CAMK2D: variants seen among roughly 807,000 people sequenced by gnomAD.
CAMK2D encodes the protein calcium/calmodulin dependent protein kinase II delta, also known as calcium/calmodulin-dependent protein kinase type II subunit delta.
In CAMK2D, 37 loss-of-function variants were observed where a neutral mutation model predicts 84.0. That is an observed-to-expected ratio of 0.44 (90% CI 0.34 to 0.58). The LOEUF (loss-of-function observed/expected upper bound fraction) is 0.58, where lower values mean the gene tolerates loss of function less well. Among genes scored for constraint, CAMK2D ranks in the 20% least tolerant of loss-of-function variants. The probability of loss-of-function intolerance (pLI) is 0.02; values close to 1 mark genes in which losing one functional copy is unlikely to be tolerated. For missense variants in CAMK2D, 448 were observed against 652.5 expected (o/e 0.69, Z 3.41); for synonymous variants, 202 against 212.5 (o/e 0.95, Z 0.43).
chr4:113,623,462 A>G (rs1384142714), intron 3 of CAMK2D, among the ~76,000 whole-genome samples: 1 of 152,064 alleles, frequency 6.6e-6, no homozygotes, highest in Non-Finnish European at 1.5e-5. Flanking sequence ...ACATGCTGAG[A>G]AGTGTTGTTA....
At position 113,533,274 on chromosome 4, in the gene CAMK2D, T is replaced by C. The variant is rs188686295; in HGVS notation, c.518-1975A>G. Among the ~76,000 whole-genome samples the C allele has an allele frequency of 1.7e-3, 252 of 152,212 alleles. 2 individuals carry two copies. Among genetic ancestry groups the C allele is most frequent in the African/African-American group, 5.8e-3 (241 of 41,534 alleles). Reference sequence around the variant, plus strand: ...CAATGGGGTCCTTACCCCAAGAATATTGAAGCATATATCTAAATGCATGGA... The same window carrying C: ...CAATGGGGTCCTTACCCCAAGAATACTGAAGCATATATCTAAATGCATGGA... On this transcript the variant is annotated intron_variant, in intron 7 of 20. Transcript: ENST00000511664.
At chr4:113,747,777 G>A (rs2099607947) in intron 2 of CAMK2D, among the ~76,000 whole-genome samples, 1 of 152,016 alleles carries the variant, frequency 6.6e-6, no homozygotes, top group East Asian at 1.9e-4. Flanking sequence ...GTAACTCAGT[G>A]TTGTAAAATT....
At chr4:113,520,936 G>A (rs955535269) in intron 8 of CAMK2D, among the ~76,000 whole-genome samples, 1 of 152,088 alleles carries the variant, frequency 6.6e-6, no homozygotes, top group African/African-American at 2.4e-5. Flanking sequence ...GGCTGAGGTG[G>A]GAAGATCACT....
At chr4:113,563,269 AC>A (rs1164261172) in intron 4 of CAMK2D, among the ~76,000 whole-genome samples, 1 of 152,158 alleles carries the variant, frequency 6.6e-6, no homozygotes, top group Non-Finnish European at 1.5e-5. Flanking sequence ...AAACAAAAAA[AC>A]AAAATAAAAT....
chr4:113,511,173 C>G (rs2098208280), intron 12 of CAMK2D, among the ~76,000 whole-genome samples: 1 of 152,046 alleles, frequency 6.6e-6, no homozygotes, highest in Non-Finnish European at 1.5e-5. Context: ...TAACCATATA[C>G]TTATGGATAA....
chr4:113,460,278 G>A (rs966459901), intron 17 of CAMK2D, 37 bp from the exon 18 acceptor site: 3 of 1,096,120 alleles, frequency 2.7e-6, no homozygotes, highest in Non-Finnish European at 4.2e-6. Context: ...CCAATTAATA[G>A]GTGCTTTAAT....
chr4:113,470,372 G>A (rs186260049), intron 16 of CAMK2D, among the ~76,000 whole-genome samples: 233 of 152,176 alleles, frequency 1.5e-3, no homozygotes, highest in African/African-American at 5.2e-3. Context: ...TGGGCCAGGC[G>A]CGGTGGCTCA....
At chr4:113,752,098 T>A (rs1254779178) in intron 2 of CAMK2D, among the ~76,000 whole-genome samples, 1 of 151,848 alleles carries the variant, frequency 6.6e-6, no homozygotes, top group African/African-American at 2.4e-5. Flanking sequence ...TTAGGGATGG[T>A]GATTAGCTCT....
chr4:113,626,782 A>T lies in CAMK2D; in HGVS notation c.221-17576T>A, dbSNP rs567339459. ...AACTGGAACAATCCACCAGCATCTA[A>T]CTTTAAACAACATTTCTCGTAATGA... On this transcript the variant is annotated intron_variant, in intron 3 of 20. Transcript: ENST00000511664. Among the ~76,000 whole-genome samples, 111 of 152,282 alleles carry T rather than the reference A, an allele frequency of 7.3e-4. 2 individuals carry two copies. The South Asian group carries it at 0.021, about 29-fold the overall frequency.
intron 4 of CAMK2D, among the ~76,000 whole-genome samples, chr4:113,564,697 C>A (rs2098714174): frequency 6.6e-6 from 1 of 152,140 alleles, no homozygotes; most frequent in Non-Finnish European, 1.5e-5. Flanking sequence ...AGGGAAGATG[C>A]AATATGAAAT....
intron 3 of CAMK2D, among the ~76,000 whole-genome samples, chr4:113,628,187 C>A (rs896952411): frequency 1.3e-5 from 2 of 152,118 alleles, no homozygotes; most frequent in African/African-American, 4.8e-5. Flanking sequence ...GTAGATACGA[C>A]CTTTCTAAAT....
At chr4:113,478,840 T>C (rs917095461) in intron 16 of CAMK2D, among the ~76,000 whole-genome samples, 3 of 152,170 alleles carry the variant, frequency 2.0e-5, no homozygotes, top group East Asian at 1.9e-4. Flanking sequence ...CTAATTCAAA[T>C]TGTACAATTG....
intron 20 of CAMK2D, among the ~76,000 whole-genome samples, chr4:113,455,272 T>C (rs1350650633): frequency 6.6e-6 from 1 of 152,202 alleles, no homozygotes; most frequent in Non-Finnish European, 1.5e-5. Context: ...CATGGTCAAG[T>C]ACCATTATAC....
intron 2 of CAMK2D, among the ~76,000 whole-genome samples, chr4:113,728,415 A>T (rs1204894450): frequency 6.6e-6 from 1 of 152,152 alleles, no homozygotes; most frequent in African/African-American, 2.4e-5. Context: ...CAAAACTAAC[A>T]TATGGTGATC....
At chr4:113,726,385 T>G (rs1467839818) in intron 2 of CAMK2D, among the ~76,000 whole-genome samples, 1 of 143,150 alleles carries the variant, frequency 7.0e-6, no homozygotes, top group Non-Finnish European at 1.5e-5. Flanking sequence ...TTTTTTTTTT[T>G]TTTTTTTTTT....
chr4:113,753,669 CTG>C (rs2099622160), intron 2 of CAMK2D: 1 of 406,184 alleles, frequency 2.5e-6, no homozygotes, highest in Non-Finnish European at 3.3e-6. Flanking sequence ...CTAAAAATAA[CTG>C]TATACTGATA....
chr4:113,600,059 T>G (rs1269602529), intron 4 of CAMK2D, among the ~76,000 whole-genome samples: 1 of 152,164 alleles, frequency 6.6e-6, no homozygotes, highest in Non-Finnish European at 1.5e-5. Flanking sequence ...ACTGTATGAT[T>G]CTAACTATAT....
intron 3 of CAMK2D, among the ~76,000 whole-genome samples, chr4:113,641,639 T>G (rs1488501226): frequency 6.6e-6 from 1 of 152,222 alleles, no homozygotes; most frequent in East Asian, 1.9e-4. Context: ...TCTAAAACAT[T>G]ATCACTAGCA....
chr4:113,717,920 G>A (rs2099518588), intron 2 of CAMK2D, among the ~76,000 whole-genome samples: 1 of 151,882 alleles, frequency 6.6e-6, no homozygotes, highest in Non-Finnish European at 1.5e-5. Context: ...ATGCTCTTGA[G>A]GGTCCATTAA....
Sources: allele counts gnomAD v4.1 joint callset (sites outside exome capture counted in the v4.1 genomes callset), GRCh38; gene constraint gnomAD v4.1.1; transcripts MANE v1.5; gene names NCBI Gene and HGNC (gene_info 2026-07-23, HGNC 2026-07-21).